The following MAX variants were observed in gnomAD, a reference collection of about 807,000 sequenced individuals.
MAX encodes the protein protein max.
A neutral mutation model predicts 22.3 loss-of-function variants in MAX; 3 were observed. The ratio of observed to expected loss-of-function variants is 0.13; its 90% CI spans 0.06 to 0.35. The LOEUF is 0.35. MAX is among the 10% of genes least tolerant of loss of function. The pLI is 1.00. For missense variants in MAX, 119 were observed against 209.4 expected, an observed-to-expected ratio of 0.57 and a Z score of 2.66; for synonymous variants, 72 against 77.7, an observed-to-expected ratio of 0.93 and a Z score of 0.39.
intron 3 of MAX, among the ~76,000 whole-genome samples, chr14:65,006,541 G>C (rs75105040): frequency 1.7e-3 from 262 of 152,314 alleles, no homozygotes; most frequent in African/African-American, 5.8e-3. Context: ...AGCCTCCCCA[G>C]AGGGGACAAG....
At chr14:65,083,918 A>G (rs75759546) in intron 3 of MAX, 25,012 of 1,306,198 alleles carry the variant, frequency 0.019, 279 homozygotes, top group Admixed American at 0.024. Flanking sequence ...AAACGAAAGA[A>G]TATGCACAAT....
rs531906264 is a variant in MAX, at chr14:65,031,647, G to A, written c.172-25363C>T. Among the ~76,000 whole-genome samples the A allele has an allele frequency of 6.6e-5, 10 of 152,204 alleles. No individual in the cohort carries two copies. The highest frequency in any genetic ancestry group is 4.1e-4 in the South Asian group (2 of 4,820). ...TGCTTTTTTAAAAAATAGCCCGGGC[G>A]CGGTGGCTTATGCCTGTAATCCCAG... On this transcript the variant is annotated intron_variant, in intron 3 of 3. Transcript: ENST00000341653. This position sits in a 1 kb window ranked among gnomAD's most constrained non-coding sequence, Gnocchi z 4.6.
At chr14:65,053,490 A>C (rs2062657374) in intron 3 of MAX, 12 of 714,994 alleles carry the variant, frequency 1.7e-5, no homozygotes, top group Non-Finnish European at 2.3e-5. Context: ...GTATGGGAAA[A>C]AGCACCCAGT....
Position 65,084,369 on chromosome 14 carries a change from T to A in MAX, c.172-6333A>T. 1 of 1,004,178 alleles carries A rather than the reference T, an allele frequency of 1.0e-6. No individual in the cohort carries two copies. Among genetic ancestry groups the A allele is most frequent in the Non-Finnish European group, 1.6e-6 (1 of 642,550 alleles). 62.2% of individuals were successfully genotyped at this position (1,004,178 alleles called of 1,614,324 possible). A position where few individuals can be genotyped will look rare whatever the true frequency, so the allele number is the denominator to read the frequency against. On this transcript the variant is annotated intron_variant, in intron 3 of 4. Coordinates refer to ENST00000358664, the MANE Select transcript of MAX (RefSeq NM_002382.5). The surrounding 1 kb of genome is among the most constrained non-coding windows in gnomAD (Gnocchi z 4.3). ...AAATAGAATACAAAATTACTAACTT[T>A]TGTTTACTGAATTAGTTACCCTCTT...
intron 3 of MAX, among the ~76,000 whole-genome samples, chr14:65,064,125 T>C (rs1352896544): frequency 6.6e-6 from 1 of 152,068 alleles, no homozygotes; most frequent in Non-Finnish European, 1.5e-5. Flanking sequence ...CAGTAAACAA[T>C]AGTTCCACAC....
intron 3 of MAX, among the ~76,000 whole-genome samples, chr14:65,019,459 C>T (rs555625219): frequency 3.3e-5 from 5 of 152,148 alleles, no homozygotes; most frequent in Non-Finnish European, 7.3e-5. Flanking sequence ...TGCACTCCAG[C>T]CTGGGTAACA....
rs922353357 is a variant in MAX at position 65,011,267 on chromosome 14, A to G, written c.172-4983T>C. Among the ~76,000 whole-genome samples, 4 of 152,094 alleles carry G rather than the reference A, an allele frequency of 2.6e-5. No homozygotes were observed. The highest frequency in any genetic ancestry group is 4.4e-5 in the Non-Finnish European group (3 of 68,012). On this transcript the variant is annotated intron_variant, in intron 3 of 3. Coordinates refer to the MAX transcript ENST00000341653. The surrounding 1 kb of genome is among the most constrained non-coding windows in gnomAD (Gnocchi z 4.0). ...ACATGGTGAAACCCCCGTCTCCACT[A>G]AAAATACAAAAATTAGCTGGGTGTG... is the stretch of plus-strand genomic sequence containing the variant.
At position 65,075,465 on chromosome 14, in the gene MAX, A is replaced by G; in HGVS notation, c.*1011T>C. ...AGGGTCCGCACTGGGGTGCGGGTTT[A>G]GTACCAGGTAAATTGCTCTTGGTAT... On this transcript the variant is annotated 3_prime_UTR_variant, in exon 5 of 5. Coordinates refer to ENST00000358664, the MANE Select transcript of MAX (RefSeq NM_002382.5). This position sits in a 1 kb window ranked among gnomAD's most constrained non-coding sequence, Gnocchi z 4.1. The G allele has an allele frequency of 4.7e-6, 5 of 1,064,320 alleles. No individual in the cohort carries two copies. Among genetic ancestry groups the G allele is most frequent in the Non-Finnish European group, 4.6e-6 (4 of 878,374 alleles). 65.9% of individuals were successfully genotyped at this position (1,064,320 alleles called of 1,614,324 possible).
Position 65,078,073 on chromosome 14 carries a change from A to G in MAX, c.172-37T>C. 1 of 1,614,144 alleles carries G rather than the reference A, an allele frequency of 6.2e-7. No individual in the cohort carries two copies. The highest frequency in any genetic ancestry group is 8.5e-7 in the Non-Finnish European group (1 of 1,180,004). On this transcript the variant is annotated intron_variant, in intron 3 of 4. Transcript: ENST00000358664. This position sits in a 1 kb window ranked among gnomAD's most constrained non-coding sequence, Gnocchi z 6.4. ...TGAGAAAAAGCACAGGGGACAAAAT[A>G]AAAACCCAATCCAGGCAGTGAGGGA...
chr14:65,085,965 G>A (rs370985616), intron 3 of MAX, among the ~76,000 whole-genome samples: 56 of 152,304 alleles, frequency 3.7e-4, no homozygotes, highest in Middle Eastern at 3.4e-3. Flanking sequence ...ATGTGTCGGG[G>A]GAGGAACCTA....
At position 65,027,037 on chromosome 14, in the gene MAX, T is replaced by C. The variant is rs1175448202; in HGVS notation, c.172-20753A>G. ...TGTGGAAAGAAGCAGTTGAGCACCA[T>C]GTTTTGGCAAAATTCAAAGGCTGGG... On this transcript the variant is annotated intron_variant, in intron 3 of 3. Transcript: ENST00000341653. The surrounding 1 kb of genome is among the most constrained non-coding windows in gnomAD (Gnocchi z 5.7). Among the ~76,000 whole-genome samples the C allele has an allele frequency of 6.6e-6, 1 of 151,994 alleles. No homozygotes were observed. Among genetic ancestry groups the C allele is most frequent in the Non-Finnish European group, 1.5e-5 (1 of 68,002 alleles).
chr14:65,019,066 A>G (rs1353040573), intron 3 of MAX, among the ~76,000 whole-genome samples: 2 of 152,012 alleles, frequency 1.3e-5, no homozygotes. Context: ...GCTCCTACTC[A>G]GGAGGCTGAG....
chr14:65,058,240 T>C (rs1044071981), intron 3 of MAX, among the ~76,000 whole-genome samples: 3 of 151,346 alleles, frequency 2.0e-5, no homozygotes, highest in Non-Finnish European at 4.4e-5. Flanking sequence ...TATAATTTTT[T>C]CCATAAAGGA....
At chr14:65,096,898 C>T (rs1464997986) in intron 2 of MAX, among the ~76,000 whole-genome samples, 1 of 152,182 alleles carries the variant, frequency 6.6e-6, no homozygotes, top group Non-Finnish European at 1.5e-5. Flanking sequence ...AACATCTCCC[C>T]TACACATCCT....
chr14:65,045,586 T>C (rs897127071), intron 3 of MAX, among the ~76,000 whole-genome samples: 1 of 152,078 alleles, frequency 6.6e-6, no homozygotes, highest in African/African-American at 2.4e-5. Flanking sequence ...TGGCTAATTT[T>C]TGTATTTTTA....
In MAX at chr14:65,101,575, G is replaced by A. The variant is rs946009128; in HGVS notation, c.37-3C>T. On this transcript the variant is annotated splice_polypyrimidine_tract_variant and splice_region_variant and intron_variant, in intron 1 of 4. Transcript: ENST00000358664. ...GATTGAAACCTCGGTTGCTCTTCCTGGAATAAGAGAGAAAAAAAAAAATAG... is the reference window on the plus strand; with the variant it reads ...GATTGAAACCTCGGTTGCTCTTCCTAGAATAAGAGAGAAAAAAAAAAATAG... The A allele has an allele frequency of 1.3e-6, 2 of 1,599,106 alleles. No individual in the cohort carries two copies. Among genetic ancestry groups the A allele is most frequent in the Non-Finnish European group, 1.7e-6 (2 of 1,168,930 alleles).
At chr14:65,022,355 A>G (rs2061904678) in intron 3 of MAX, among the ~76,000 whole-genome samples, 1 of 151,326 alleles carries the variant, frequency 6.6e-6, no homozygotes, top group African/African-American at 2.4e-5. Context: ...CCTAGGCCTT[A>G]AGTCTGTCTA....
intron 1 of MAX, 89 bp downstream of exon 1, chr14:65,102,215 G>A (rs2139974580): frequency 1.9e-6 from 3 of 1,583,754 alleles, no homozygotes; most frequent in South Asian, 2.3e-5. Context: ...GCGGCAGCCC[G>A]GCCCCCTCCC....
intron 3 of MAX, chr14:65,022,061 C>T: frequency 2.2e-6 from 1 of 455,998 alleles, no homozygotes; most frequent in Non-Finnish European, 4.4e-6. Context: ...GCAGAGGCCA[C>T]CCGGAATCAA....
Sources: allele counts gnomAD v4.1 joint callset (sites outside exome capture counted in the v4.1 genomes callset), GRCh38; gene constraint gnomAD v4.1.1; non-coding constraint Gnocchi (gnomAD v3.1); transcripts MANE v1.5; gene names NCBI Gene and HGNC (gene_info 2026-07-23, HGNC 2026-07-21).